Variants in FSTL4 observed in about 807,000 individuals in gnomAD.
FSTL4 encodes the protein follistatin-related protein 4.
FSTL4 carries 28 observed loss-of-function variants against 78.2 expected under a neutral mutation model. That is an observed-to-expected ratio of 0.36 (90% confidence interval 0.27 to 0.49). The LOEUF is 0.49. Among genes scored for constraint, FSTL4 ranks in the 20% least tolerant of loss-of-function variants. The pLI is 0.98. For synonymous variants in FSTL4, 422 were observed against 440.5 expected, an observed-to-expected ratio of 0.96 and a Z score of 0.53; for missense variants, 922 against 1,084.9, an observed-to-expected ratio of 0.85 and a Z score of 2.11.
intron 3 of FSTL4, among the ~76,000 whole-genome samples, chr5:133,479,469 C>T (rs969473899): frequency 1.3e-5 from 2 of 152,254 alleles, no homozygotes; most frequent in Non-Finnish European, 1.5e-5. Context: ...GTTCATCAGC[C>T]GATGAACGGA....
At chr5:133,704,433 C>G in the FSTL4 span, among the ~76,000 whole-genome samples, 2 of 152,120 alleles carry the variant, frequency 1.3e-5, no homozygotes. Flanking sequence ...GGTCAGTGAC[C>G]CAAGGGTTCA....
rs567480022 is a variant in FSTL4, at chr5:133,572,645, T to G, written c.127-5426A>C. Among the ~76,000 whole-genome samples, 16 of 152,234 alleles carry G rather than the reference T, an allele frequency of 1.1e-4. No homozygotes were observed. The South Asian group carries it at 2.7e-3, about 26-fold the overall frequency. ...GCATTAAAAAAACCATAAAAATACA[T>G]TTCGGCTACTTAACACAACAATAAT... On this transcript the variant is annotated intron_variant, in intron 2 of 15. Transcript: ENST00000265342.
At chr5:133,743,937 G>T in the FSTL4 span, among the ~76,000 whole-genome samples, 5 of 152,188 alleles carry the variant, frequency 3.3e-5, no homozygotes, top group African/African-American at 1.2e-4. Context: ...TGGGAAAATT[G>T]AGATATAAAT....
the FSTL4 span, among the ~76,000 whole-genome samples, chr5:133,720,187 G>C: frequency 1.3e-5 from 2 of 152,004 alleles, no homozygotes; most frequent in Non-Finnish European, 2.9e-5. Flanking sequence ...GCTCATAGTA[G>C]GAAAAAGAAA....
chr5:133,303,200 C>T (rs897414686), intron 6 of FSTL4, among the ~76,000 whole-genome samples: 1 of 152,230 alleles, frequency 6.6e-6, no homozygotes, highest in Non-Finnish European at 1.5e-5. Flanking sequence ...CCTTGGTCCT[C>T]AACCCAGAGT....
At chr5:133,656,598 G>A in the FSTL4 span, among the ~76,000 whole-genome samples, 1 of 152,238 alleles carries the variant, frequency 6.6e-6, no homozygotes, top group South Asian at 2.1e-4. Flanking sequence ...AAGTCTCACA[G>A]GAGAGAACAG....
At chr5:133,595,983 A>C (rs1247477374) in intron 2 of FSTL4, among the ~76,000 whole-genome samples, 1 of 152,226 alleles carries the variant, frequency 6.6e-6, no homozygotes, top group Non-Finnish European at 1.5e-5. Flanking sequence ...ATTTAGCCCC[A>C]ACAGGAAAAA....
chr5:133,767,743 T>C, the FSTL4 span, among the ~76,000 whole-genome samples: 1 of 152,192 alleles, frequency 6.6e-6, no homozygotes, highest in Non-Finnish European at 1.5e-5. Context: ...GAGTGATGCC[T>C]GGATGCCATC....
At chr5:133,734,100 T>C in the FSTL4 span, among the ~76,000 whole-genome samples, 3 of 152,194 alleles carry the variant, frequency 2.0e-5, no homozygotes, top group Non-Finnish European at 4.4e-5. Flanking sequence ...TATTCTCTGA[T>C]AAAAGAAAGT....
chr5:133,602,409 C>T (rs537435585), intron 2 of FSTL4, among the ~76,000 whole-genome samples: 26 of 152,308 alleles, frequency 1.7e-4, no homozygotes, highest in Non-Finnish European at 2.9e-4. Context: ...AATTTACCTC[C>T]AGCTAAATCC....
chr5:133,456,340 A>G (rs565926023), intron 3 of FSTL4, among the ~76,000 whole-genome samples: 13 of 152,380 alleles, frequency 8.5e-5, no homozygotes, highest in South Asian at 4.1e-4. Context: ...CTGGACGCCA[A>G]CTTAGGCCTT....
At chr5:133,556,232 C>G (rs1432127435) in intron 3 of FSTL4, among the ~76,000 whole-genome samples, 1 of 152,218 alleles carries the variant, frequency 6.6e-6, no homozygotes, top group Non-Finnish European at 1.5e-5. Context: ...CAATTTCCTA[C>G]AGAGTACAAA....
At chr5:133,803,016 A>G in the FSTL4 span, among the ~76,000 whole-genome samples, 1 of 152,186 alleles carries the variant, frequency 6.6e-6, no homozygotes, top group Non-Finnish European at 1.5e-5. Flanking sequence ...CCCTGACTAT[A>G]TGAAGGAAGC....
At chr5:133,505,265 G>A (rs989251290) in intron 3 of FSTL4, among the ~76,000 whole-genome samples, 2 of 151,910 alleles carry the variant, frequency 1.3e-5, no homozygotes, top group African/African-American at 2.4e-5. Context: ...TTTATAACCA[G>A]AAAAAAACTA....
Position 133,199,737 on chromosome 5 carries a change from C to T in FSTL4, c.1887G>A (p.Met629Ile). ...PAVHKVDLET[M>I]MPLKTIGLHH... ...GCAGGCCGATGGTCTTGAGGGGCAT[C>T]ATTGTTTCCAGGTCCACCTTGTGGA... Residue 629 changes from methionine (M) to isoleucine (I), a missense_variant, in exon 16 of 16, where the codon ATG (methionine) becomes ATA (isoleucine). Met to Ile is a conservative substitution (Grantham distance 10). Coordinates refer to ENST00000265342, the MANE Select transcript of FSTL4 (RefSeq NM_015082.2). The surrounding 1 kb of genome is among the most constrained non-coding windows in gnomAD (Gnocchi z 4.4). 2.5e-6 allele frequency: 4 copies of T among 1,602,062 alleles called. No homozygotes were observed. The highest frequency in any genetic ancestry group is 3.4e-6 in the Non-Finnish European group (4 of 1,173,958).
At chr5:133,509,037 G>C (rs1044776030) in intron 3 of FSTL4, among the ~76,000 whole-genome samples, 2 of 152,170 alleles carry the variant, frequency 1.3e-5, no homozygotes, top group African/African-American at 4.8e-5. Flanking sequence ...GGTTTACTCT[G>C]TAAACCAGGA....
intron 7 of FSTL4, 82 bp from the exon 8 acceptor site, chr5:133,233,619 A>T: frequency 6.5e-7 from 1 of 1,534,620 alleles, no homozygotes; most frequent in Non-Finnish European, 8.9e-7. Context: ...GTTTTCCAGA[A>T]ATCCTGCAGC....
intron 3 of FSTL4, among the ~76,000 whole-genome samples, chr5:133,407,296 A>T (rs775979804): frequency 7.9e-5 from 12 of 152,170 alleles, no homozygotes; most frequent in Admixed American, 2.0e-4. Flanking sequence ...TTCCATCTTC[A>T]TCACCTCCCT....
At chr5:133,464,247 A>T (rs1453440335) in intron 3 of FSTL4, among the ~76,000 whole-genome samples, 1 of 152,196 alleles carries the variant, frequency 6.6e-6, no homozygotes, top group Non-Finnish European at 1.5e-5. Flanking sequence ...CCACCAGGCC[A>T]GGTGCGGCAG....
Sources: gnomAD v4.1 joint callset for allele counts (sites outside exome capture counted in the v4.1 genomes callset) on GRCh38, gnomAD v4.1.1 for gene constraint, Gnocchi (gnomAD v3.1) non-coding constraint, MANE v1.5 for transcripts, NCBI Gene and HGNC (gene_info 2026-07-23, HGNC 2026-07-21) for gene names.